UXS1: variants seen among roughly 807,000 people sequenced by gnomAD.
UXS1 encodes the protein UDP-glucuronate decarboxylase 1, also known as UDP-glucuronic acid decarboxylase 1.
A neutral mutation model predicts 62.6 loss-of-function variants in UXS1; 33 were observed. That is an observed-to-expected ratio of 0.53 (90% CI 0.40 to 0.70). UXS1 has a LOEUF of 0.70. UXS1 is among the 30% of genes least tolerant of loss of function. The probability of loss-of-function intolerance (pLI) is 0.00; values close to 1 mark genes in which losing one functional copy is unlikely to be tolerated. For synonymous variants in UXS1, 213 were observed against 206.8 expected (o/e 1.03, Z -0.26); for missense variants, 434 against 556.3 (o/e 0.78, Z 2.21).
At chr2:106,156,414 T>C (rs1233313535) in intron 5 of UXS1, among the ~76,000 whole-genome samples, 1 of 152,168 alleles carries the variant, frequency 6.6e-6, no homozygotes, top group Non-Finnish European at 1.5e-5. Context: ...GTAGAGAAAC[T>C]GGAACACTCA....
intron 7 of UXS1, among the ~76,000 whole-genome samples, chr2:106,127,594 A>G (rs114031543): frequency 6.6e-6 from 1 of 152,172 alleles, no homozygotes; most frequent in Non-Finnish European, 1.5e-5. Context: ...AACTTTCATC[A>G]GAGAAAGAAC....
intron 11 of UXS1, chr2:106,102,847 C>T (rs911295183): frequency 2.6e-5 from 4 of 152,194 alleles, no homozygotes; most frequent in African/African-American, 9.6e-5. Context: ...GTCAGGAAAC[C>T]CTTGCCCAAG....
At chr2:106,163,047 A>G (rs1682997259) in intron 4 of UXS1, among the ~76,000 whole-genome samples, 1 of 152,212 alleles carries the variant, frequency 6.6e-6, no homozygotes, top group Non-Finnish European at 1.5e-5. Flanking sequence ...TTCCACATAC[A>G]GTACGTGCAA....
At chr2:106,156,753 GA>G (rs951579575) in intron 5 of UXS1, among the ~76,000 whole-genome samples, 1 of 152,032 alleles carries the variant, frequency 6.6e-6, no homozygotes, top group African/African-American at 2.4e-5. Flanking sequence ...ATAATAACCT[GA>G]AAAAAAGTCT....
intron 10 of UXS1, among the ~76,000 whole-genome samples, chr2:106,108,161 T>A (rs544521295): frequency 6.6e-5 from 10 of 152,344 alleles, no homozygotes; most frequent in African/African-American, 2.4e-4. Flanking sequence ...GCATATCACA[T>A]CCATCATCTG....
intron 7 of UXS1, among the ~76,000 whole-genome samples, chr2:106,125,983 A>G (rs569188525): frequency 2.6e-5 from 4 of 152,044 alleles, no homozygotes; most frequent in Non-Finnish European, 4.4e-5. Context: ...GCCCCCAAAT[A>G]TTACCCCATA....
In UXS1 at chr2:106,189,543, C is replaced by G. The variant is rs543886380; in HGVS notation, c.94+4605G>C. Among the ~76,000 whole-genome samples, 39 of 152,216 alleles carry G rather than the reference C, an allele frequency of 2.6e-4. 2 individuals carry two copies. In the East Asian group the frequency reaches 6.8e-3, roughly 26 times the overall value. On this transcript the variant is annotated intron_variant, in intron 1 of 14. Coordinates refer to ENST00000283148, the MANE Select transcript of UXS1 (RefSeq NM_001253875.2). ...CAGAAGTGGAAGTAGCACTTCCGCT[C>G]AGCTCCTGGGCAGGCCACTGGCACA...
chr2:106,107,173 G>A (rs939258945), intron 10 of UXS1, among the ~76,000 whole-genome samples: 1 of 152,096 alleles, frequency 6.6e-6, no homozygotes, highest in Non-Finnish European at 1.5e-5. Context: ...AAAGCTGAGC[G>A]CACAGATGCA....
intron 11 of UXS1, 119 bp from the exon 12 acceptor site, chr2:106,101,237 A>C: frequency 1.6e-5 from 16 of 1,014,242 alleles, no homozygotes; most frequent in Non-Finnish European, 1.9e-5. Context: ...AAAAACCCAA[A>C]TGGAAAATTG....
intron 4 of UXS1, among the ~76,000 whole-genome samples, chr2:106,162,396 C>T (rs1682953518): frequency 6.6e-6 from 1 of 152,118 alleles, no homozygotes; most frequent in Non-Finnish European, 1.5e-5. Context: ...AAGCTATTGC[C>T]TTAGGGAAGT....
chr2:106,151,392 T>C (rs1682005103), intron 5 of UXS1, among the ~76,000 whole-genome samples: 1 of 152,152 alleles, frequency 6.6e-6, no homozygotes, highest in African/African-American at 2.4e-5. Context: ...GAGAAGTTAT[T>C]GGGCTATGAG....
At chr2:106,110,745 A>G (rs922317300) in intron 10 of UXS1, among the ~76,000 whole-genome samples, 2 of 152,232 alleles carry the variant, frequency 1.3e-5, no homozygotes, top group Non-Finnish European at 1.5e-5. Flanking sequence ...CTGGGGACGC[A>G]ACCATGAATG....
chr2:106,188,057 A>G (rs1684684697), intron 1 of UXS1, among the ~76,000 whole-genome samples: 1 of 152,226 alleles, frequency 6.6e-6, no homozygotes. Flanking sequence ...TCTAACTTTC[A>G]AAGGCTAAAG....
chr2:106,111,326 G>A (rs184986451), intron 10 of UXS1, among the ~76,000 whole-genome samples: 1 of 152,316 alleles, frequency 6.6e-6, no homozygotes, highest in East Asian at 1.9e-4. Flanking sequence ...ATACCACTTA[G>A]TGACAGGGGG....
chr2:106,164,481 A>G (rs1473811175), intron 3 of UXS1, among the ~76,000 whole-genome samples: 1 of 152,162 alleles, frequency 6.6e-6, no homozygotes, highest in Non-Finnish European at 1.5e-5. Flanking sequence ...TTCTCTAAAA[A>G]ACGCTTACCT....
intron 1 of UXS1, among the ~76,000 whole-genome samples, chr2:106,173,501 C>T (rs1253761908): frequency 6.6e-6 from 1 of 152,086 alleles, no homozygotes; most frequent in African/African-American, 2.4e-5. Context: ...CTGCAGTGAG[C>T]CATAATCACA....
intron 1 of UXS1, among the ~76,000 whole-genome samples, chr2:106,178,288 T>C (rs2889642): frequency 0.99 from 150,581 of 152,294 alleles, 74,466 homozygotes; most frequent in Middle Eastern, 1. Flanking sequence ...CCTTTTCCTG[T>C]TCAAGATTTC....
intron 7 of UXS1, among the ~76,000 whole-genome samples, chr2:106,128,805 A>AAACC (rs1680190153): frequency 6.6e-6 from 1 of 152,232 alleles, no homozygotes; most frequent in Admixed American, 6.5e-5. Context: ...TCTAAGAGAT[A>AAACC]AACCAATCTC....
At chr2:106,190,259 A>C (rs533361472) in intron 1 of UXS1, among the ~76,000 whole-genome samples, 35 of 152,288 alleles carry the variant, frequency 2.3e-4, no homozygotes, top group Non-Finnish European at 4.1e-4. Flanking sequence ...GCTTGTAAAC[A>C]CTGCATGATG....
Sources: gnomAD v4.1 joint callset for allele counts (sites outside exome capture counted in the v4.1 genomes callset) on GRCh38, gnomAD v4.1.1 for gene constraint, MANE v1.5 for transcripts, NCBI Gene and HGNC (gene_info 2026-07-23, HGNC 2026-07-21) for gene names.